The following KIF16B variants were observed in gnomAD, a reference collection of about 807,000 sequenced individuals.
The protein encoded by KIF16B is kinesin family member 16B, also known as kinesin-like protein KIF16B.
Under a neutral mutation model 156.3 loss-of-function variants are expected in KIF16B, and 98 were observed. That is an observed-to-expected ratio of 0.63 (90% CI 0.53 to 0.74). The LOEUF (loss-of-function observed/expected upper bound fraction) is 0.74. Among genes scored for constraint, KIF16B ranks in the 30% least tolerant of loss-of-function variants. The pLI is 0.00. For synonymous variants in KIF16B, 564 were observed against 583.7 expected (o/e 0.97, Z 0.49); for missense variants, 1,421 against 1,606.5 (o/e 0.88, Z 1.97).
At chr20:16,306,599 T>C (rs1409121935) in intron 25 of KIF16B, among the ~76,000 whole-genome samples, 1 of 152,188 alleles carries the variant, frequency 6.6e-6, no homozygotes, top group African/African-American at 2.4e-5. Flanking sequence ...GTGTCTCTGC[T>C]GTCATTGACT....
chr20:16,512,296 G>A (rs541410810), intron 5 of KIF16B, among the ~76,000 whole-genome samples: 3 of 152,264 alleles, frequency 2.0e-5, no homozygotes, highest in African/African-American at 4.8e-5. Context: ...GGTTTAGTGT[G>A]ATTCAAATAA....
chr20:16,504,116 C>T (rs891447740), intron 10 of KIF16B, among the ~76,000 whole-genome samples: 1 of 152,172 alleles, frequency 6.6e-6, no homozygotes, highest in African/African-American at 2.4e-5. Flanking sequence ...TAGTACATTT[C>T]CATTCATAAT....
chr20:16,410,419 G>T (rs973944421), intron 15 of KIF16B, among the ~76,000 whole-genome samples: 1 of 150,790 alleles, frequency 6.6e-6, no homozygotes, highest in Admixed American at 6.6e-5. Flanking sequence ...AAAATGCTTG[G>T]GACAAAAAGG....
Position 16,378,974 on chromosome 20 carries a change from C to T in KIF16B, c.3028G>A (p.Ala1010Thr), listed in dbSNP as rs749812615. The change falls in exon 19 of 26, where the codon GCC becomes ACC. Residue 1010 changes from alanine to threonine, a missense_variant. By Grantham distance (58) the Ala-to-Thr change is moderately conservative (BLOSUM62 0). Transcript: ENST00000354981. ...QQREALERAL[A>T]RLERRHSALQ... ...GCAGAATGTCTCCTCTCCAGCCTGG[C>T]CAGGGCCCGCTCCAGCGCCTCTCTC... The T allele has an allele frequency of 1.9e-6, 3 of 1,614,126 alleles. No homozygotes were observed. Among genetic ancestry groups the T allele is most frequent in the Admixed American group, 3.3e-5 (2 of 60,022 alleles).
intron 12 of KIF16B, among the ~76,000 whole-genome samples, chr20:16,480,687 T>C (rs2146834906): frequency 6.6e-6 from 1 of 152,340 alleles, no homozygotes; most frequent in South Asian, 2.1e-4. Context: ...TGGCAATGTC[T>C]ACACATCTTA....
intron 12 of KIF16B, among the ~76,000 whole-genome samples, chr20:16,432,460 C>G (rs2066527683): frequency 6.6e-6 from 1 of 152,124 alleles, no homozygotes; most frequent in South Asian, 2.1e-4. Context: ...AAATACGATT[C>G]CTTACAATCC....
chr20:16,273,308 A>G lies in KIF16B; in HGVS notation c.3899T>C (p.Phe1300Ser). The change falls in exon 26 of 26, where the codon TTT becomes TCT. Residue 1300 changes from phenylalanine (F) to serine (S), a missense_variant. By Grantham distance (155) the Phe-to-Ser change is radical. Transcript: ENST00000354981. ...GACTCCTTTCTTGAAGAATGGTGAA[A>G]ACTCACAAATGGTATGTTTCGAGAG... is the stretch of plus-strand genomic sequence containing the variant. ...LTLSKHTICE[F>S]SPFFKKGVFD... is the part of the protein sequence containing the mutation. The G allele has an allele frequency of 6.2e-7, 1 of 1,613,988 alleles. No individual in the cohort carries two copies. The highest frequency in any genetic ancestry group is 1.3e-5 in the African/African-American group (1 of 75,034).
chr20:16,502,043 C>T (rs2068642127), intron 10 of KIF16B, among the ~76,000 whole-genome samples: 1 of 152,070 alleles, frequency 6.6e-6, no homozygotes, highest in Non-Finnish European at 1.5e-5. Flanking sequence ...CTACATATAT[C>T]TACATATCTA....
At chr20:16,338,166 A>G (rs35155900) in intron 23 of KIF16B, among the ~76,000 whole-genome samples, 5,173 of 151,948 alleles carry the variant, frequency 0.034, 94 homozygotes, top group African/African-American at 0.039. Flanking sequence ...TGTAACTGAA[A>G]CCCGGCTCTC....
intron 12 of KIF16B, among the ~76,000 whole-genome samples, chr20:16,449,355 C>T (rs779313545): frequency 6.6e-5 from 10 of 152,080 alleles, no homozygotes; most frequent in Non-Finnish European, 1.0e-4. Flanking sequence ...AAAAATGTTA[C>T]GCCAATGAAA....
intron 1 of KIF16B, among the ~76,000 whole-genome samples, chr20:16,556,396 C>T (rs560214070): frequency 3.9e-5 from 6 of 152,284 alleles, no homozygotes; most frequent in South Asian, 2.1e-4. Context: ...ACTGTGGCCT[C>T]GATGCAAAAC....
At chr20:16,471,832 T>C (rs2067670456) in intron 12 of KIF16B, among the ~76,000 whole-genome samples, 1 of 152,218 alleles carries the variant, frequency 6.6e-6, no homozygotes, top group Non-Finnish European at 1.5e-5. Context: ...GAACTTTCCA[T>C]ATTTATTCTT....
intron 12 of KIF16B, among the ~76,000 whole-genome samples, chr20:16,444,292 T>C (rs1459451525): frequency 6.6e-5 from 10 of 152,320 alleles, no homozygotes; most frequent in African/African-American, 1.9e-4. Flanking sequence ...CAGCCAACTA[T>C]GGCTGAAGGC....
At chr20:16,355,057 A>G (rs1371859610) in intron 23 of KIF16B, among the ~76,000 whole-genome samples, 1 of 151,836 alleles carries the variant, frequency 6.6e-6, no homozygotes, top group Non-Finnish European at 1.5e-5. Flanking sequence ...CGGAAAACTT[A>G]GTATATAGAA....
intron 24 of KIF16B, among the ~76,000 whole-genome samples, chr20:16,319,310 G>T (rs2063741228): frequency 6.6e-6 from 1 of 152,136 alleles, no homozygotes; most frequent in East Asian, 1.9e-4. Flanking sequence ...GTTAATACTA[G>T]GGGAAACTGA....
intron 23 of KIF16B, among the ~76,000 whole-genome samples, chr20:16,349,811 T>C (rs1173537680): frequency 1.3e-5 from 2 of 152,208 alleles, no homozygotes; most frequent in Non-Finnish European, 2.9e-5. Context: ...CAGGGTCTTT[T>C]AAGTTCAGGG....
intron 25 of KIF16B, among the ~76,000 whole-genome samples, chr20:16,280,409 G>A (rs1227943489): frequency 1.3e-5 from 2 of 152,254 alleles, no homozygotes; most frequent in Admixed American, 1.3e-4. Flanking sequence ...AACAGTCTGA[G>A]CAAGAGAGCA....
chr20:16,380,340 A>AT (rs1186532330), intron 18 of KIF16B, among the ~76,000 whole-genome samples, 177 bp from the exon 19 acceptor site: 4 of 152,220 alleles, frequency 2.6e-5, no homozygotes, highest in Admixed American at 2.6e-4. Context: ...AATTTTTTTT[A>AT]TTTTTTAACT....
intron 22 of KIF16B, among the ~76,000 whole-genome samples, chr20:16,365,793 A>C (rs775383583): frequency 6.6e-6 from 1 of 152,188 alleles, no homozygotes; most frequent in Non-Finnish European, 1.5e-5. Flanking sequence ...ACTTATCCAA[A>C]TATTTGACCA....
Sources: gnomAD v4.1 joint callset for allele counts (sites outside exome capture counted in the v4.1 genomes callset) on GRCh38, gnomAD v4.1.1 for gene constraint, MANE v1.5 for transcripts, NCBI Gene and HGNC (gene_info 2026-07-23, HGNC 2026-07-21) for gene names.